The following GRM4 variants were observed in gnomAD, a reference collection of about 807,000 sequenced individuals.
GRM4 encodes the protein metabotropic glutamate receptor 4.
In GRM4, 28 loss-of-function variants were observed where a neutral mutation model predicts 81.7. The ratio of observed to expected loss-of-function variants is 0.34; its 90% CI spans 0.25 to 0.47. The LOEUF (loss-of-function observed/expected upper bound fraction) is 0.47, where lower values mean the gene tolerates loss of function less well. GRM4 is among the 20% of genes least tolerant of loss of function. The probability of loss-of-function intolerance (pLI) is 1.00; values close to 1 mark genes in which losing one functional copy is unlikely to be tolerated. For missense variants in GRM4, 948 were observed against 1,290.0 expected (o/e 0.73, Z 4.06); for synonymous variants, 488 against 528.8 (o/e 0.92, Z 1.06).
chr6:34,122,188 G>A (rs1221553659), intron 2 of GRM4, among the ~76,000 whole-genome samples: 10 of 152,010 alleles, frequency 6.6e-5, no homozygotes, highest in Admixed American at 6.5e-4. Context: ...AAACAGAGAG[G>A]GAGCCCCAAC....
At chr6:34,154,888 G>A (rs963676573) in intron 1 of GRM4, among the ~76,000 whole-genome samples, 18 of 152,196 alleles carry the variant, frequency 1.2e-4, no homozygotes, top group Admixed American at 2.6e-4. Context: ...CGAGCCTAGC[G>A]CCCCACCAGC....
chr6:34,116,910 G>T (rs1458082160), intron 2 of GRM4, among the ~76,000 whole-genome samples: 2 of 152,164 alleles, frequency 1.3e-5, no homozygotes, highest in African/African-American at 4.8e-5. Flanking sequence ...AAAGAAGCTG[G>T]ACATAAAAAC....
At chr6:34,110,309 C>CAAAA (rs3041237) in intron 2 of GRM4, among the ~76,000 whole-genome samples, 10 of 78,984 alleles carry the variant, frequency 1.3e-4, no homozygotes, top group Non-Finnish European at 1.8e-4. Flanking sequence ...CAACACCCAC[C>CAAAA]AAAAAAAAAA....
Position 34,068,269 on chromosome 6 carries a change from A to G in GRM4, c.737-6241T>C, listed in dbSNP as rs2499683. On this transcript the variant is annotated intron_variant, in intron 3 of 10. Transcript: ENST00000538487. The surrounding 1 kb of genome is among the most constrained non-coding windows in gnomAD (Gnocchi z 4.2). Reference sequence around the variant, plus strand: ...GCTGGATCTGAACTCGGGTCTGACTATTCTCTAGGAGCTGCTGCCTTGCCC... The same window carrying G: ...GCTGGATCTGAACTCGGGTCTGACTGTTCTCTAGGAGCTGCTGCCTTGCCC... 0.95 allele frequency among the ~76,000 whole-genome samples: 145,358 copies of G among 152,208 alleles called. 69,462 individuals are homozygous for G. The highest frequency in any genetic ancestry group is 1 in the East Asian group (5,152 of 5,174).
chr6:34,153,916 A>T (rs1771095119), intron 1 of GRM4, among the ~76,000 whole-genome samples: 1 of 124,370 alleles, frequency 8.0e-6, no homozygotes, highest in Non-Finnish European at 1.7e-5. Flanking sequence ...ACAGAGTGAG[A>T]CTCTGTCTCA....
rs1240957930 is a variant in GRM4 at position 34,020,025 on chromosome 6, G to C, written c.*2796C>G. 6.6e-6 allele frequency: 1 copy of C among 152,320 alleles called. No homozygotes were observed. Among genetic ancestry groups the C allele is most frequent in the Non-Finnish European group, 1.5e-5 (1 of 68,112 alleles). The allele number at this position is 152,320 out of a possible 1,614,324, so 9.4% of individuals were successfully genotyped here. On this transcript the variant is annotated 3_prime_UTR_variant, in exon 11 of 11. Coordinates refer to ENST00000538487, the MANE Select transcript of GRM4 (RefSeq NM_000841.4). ...TCTTGCTAGGGCCTGGTTCCCTCCT[G>C]TCCACCTCAGGCCCACAGAGCCCAC...
intron 6 of GRM4, among the ~76,000 whole-genome samples, chr6:34,043,190 C>T (rs899546355): frequency 6.6e-6 from 1 of 152,202 alleles, no homozygotes; most frequent in South Asian, 2.1e-4. Flanking sequence ...TGACTTGGGT[C>T]GTGTCTGCTA....
rs10635207 is a variant in GRM4 at position 34,136,563 on chromosome 6, G to GAC, written c.-363-2706_-363-2705dup. Reference sequence around the variant, plus strand: ...GCTGAGCAGTGCATGCGCGCGTGCGGACACACACACACACACACACACACA... The same window carrying GAC: ...GCTGAGCAGTGCATGCGCGCGTGCGGACACACACACACACACACACACACACA... On this transcript the variant is annotated intron_variant, in intron 1 of 10. Coordinates refer to ENST00000538487, the MANE Select transcript of GRM4 (RefSeq NM_000841.4). This position sits in a 1 kb window ranked among gnomAD's most constrained non-coding sequence, Gnocchi z 4.1. Among the ~76,000 whole-genome samples the GAC allele has an allele frequency of 0.1, 14,666 of 142,354 alleles. 1,107 individuals are homozygous for GAC. The highest frequency in any genetic ancestry group is 0.23 in the African/African-American group (8,384 of 36,772). The allele number at this position is 142,354 out of a possible 152,430, so 93.4% of individuals were successfully genotyped here. A position where few individuals can be genotyped will look rare whatever the true frequency, so the allele number is the denominator to read the frequency against.
At position 34,028,126 on chromosome 6, in the gene GRM4, C is replaced by A; in HGVS notation, c.2683G>T (p.Ala895Ser). 1 of 1,611,738 alleles carries A rather than the reference C, an allele frequency of 6.2e-7. No individual in the cohort carries two copies. Among genetic ancestry groups the A allele is most frequent in the Non-Finnish European group, 8.5e-7 (1 of 1,178,780 alleles). Residue 895 changes from alanine to serine, a missense_variant, in exon 10 of 11, where the codon GCC (alanine) becomes TCC (serine). Ala to Ser is a moderately conservative substitution (Grantham distance 99, BLOSUM62 1). Transcript: ENST00000538487. ...AKSELCENLE[A>S]PALATKQTYV... The stretch of plus-strand genomic sequence containing the variant: ...AACGGGGCCAGGCACTCACCTGGGG[C>A]CTCAAGGTTCTCGCAGAGCTCAGAC...
Position 34,091,707 on chromosome 6 carries a change from C to G in GRM4, c.736+176G>C, listed in dbSNP as rs149153154. On this transcript the variant is annotated intron_variant, in intron 3 of 10. Transcript: ENST00000538487. Reference sequence around the variant, plus strand: ...CGCCGTTGACCGGAGTCACCCAGAGCCCAGTGAGGCCATGGACCAAACCAC... The same window carrying G: ...CGCCGTTGACCGGAGTCACCCAGAGGCCAGTGAGGCCATGGACCAAACCAC... The G allele has an allele frequency of 2.1e-3, 1,260 of 600,774 alleles. 8 individuals carry two copies. Among genetic ancestry groups the G allele is most frequent in the African/African-American group, 0.021 (1,129 of 54,094 alleles). The allele number at this position is 600,774 out of a possible 1,614,324, so 37.2% of individuals were successfully genotyped here. A position where few individuals can be genotyped will look rare whatever the true frequency, so the allele number is the denominator to read the frequency against.
upstream of GRM4, among the ~76,000 whole-genome samples, chr6:34,148,121 C>T (rs1770976735): frequency 6.7e-6 from 1 of 150,162 alleles, no homozygotes; most frequent in Admixed American, 6.8e-5. Flanking sequence ...AAAAGAAACA[C>T]TGTTGGCTGG....
At position 34,031,851 on chromosome 6, in the gene GRM4, C is replaced by A. The variant is rs2395553; in HGVS notation, c.2443-3485G>T. ...GCATGTGCAAGTGCGTGTGTGCATA[C>A]ATGCATGCCTGCTCACACACACATC... On this transcript the variant is annotated intron_variant, in intron 9 of 10. Coordinates refer to ENST00000538487, the MANE Select transcript of GRM4 (RefSeq NM_000841.4). Among the ~76,000 whole-genome samples, 1,199 of 152,300 alleles carry A rather than the reference C, an allele frequency of 7.9e-3. 15 individuals carry two copies. The highest frequency in any genetic ancestry group is 0.027 in the African/African-American group (1,133 of 41,544).
upstream of GRM4, among the ~76,000 whole-genome samples, chr6:34,149,218 A>G (rs980905227): frequency 5.9e-5 from 9 of 152,170 alleles, no homozygotes; most frequent in Admixed American, 3.3e-4. Context: ...GTTGAAATAA[A>G]GTGAGCCTGG....
At position 34,078,934 on chromosome 6, in the gene GRM4, G is replaced by A. The variant is rs2499701; in HGVS notation, c.736+12949C>T. ...GTAAGTGAGGGAGAGAGGAAAGGAC[G>A]GTCACAACGGGAGGCTGAGAGAGGC... On this transcript the variant is annotated intron_variant, in intron 3 of 10. Transcript: ENST00000538487. This position sits in a 1 kb window ranked among gnomAD's most constrained non-coding sequence, Gnocchi z 4.8. Among the ~76,000 whole-genome samples the A allele has an allele frequency of 2.6e-3, 394 of 152,318 alleles. 2 individuals carry two copies. Among genetic ancestry groups the A allele is most frequent in the African/African-American group, 8.6e-3 (356 of 41,558 alleles).
In GRM4 at chr6:34,130,068, C is replaced by T. The variant is rs914452318; in HGVS notation, c.519+2910G>A. On this transcript the variant is annotated intron_variant, in intron 2 of 10. Transcript: ENST00000538487. This position sits in a 1 kb window ranked among gnomAD's most constrained non-coding sequence, Gnocchi z 4.1. Reference sequence around the variant, plus strand: ...TGGTGGTGGGCGCAGGTCCCCTCCCCCAAGGCATCCCTCCCTCACCCTCTC... The same window carrying T: ...TGGTGGTGGGCGCAGGTCCCCTCCCTCAAGGCATCCCTCCCTCACCCTCTC... 5.4e-4 allele frequency among the ~76,000 whole-genome samples: 82 copies of T among 152,272 alleles called. No homozygotes were observed. The highest frequency in any genetic ancestry group is 1.9e-3 in the African/African-American group (80 of 41,568).
rs1389715230 is a variant in GRM4 at position 34,114,581 on chromosome 6, C to A, written c.519+18397G>T. Among the ~76,000 whole-genome samples, 2 of 152,116 alleles carry A rather than the reference C, an allele frequency of 1.3e-5. No homozygotes were observed. The highest frequency in any genetic ancestry group is 4.8e-5 in the African/African-American group (2 of 41,388). ...CAATTTCCTCCAGCCCCTCTCCACTCACCCTCTGCCCAACCCTCCTGCATG... is the reference window on the plus strand; with the variant it reads ...CAATTTCCTCCAGCCCCTCTCCACTAACCCTCTGCCCAACCCTCCTGCATG... On this transcript the variant is annotated intron_variant, in intron 2 of 10. Transcript: ENST00000538487. This position sits in a 1 kb window ranked among gnomAD's most constrained non-coding sequence, Gnocchi z 4.3.
chr6:34,102,719 T>C (rs1768905531), intron 2 of GRM4, among the ~76,000 whole-genome samples: 1 of 152,234 alleles, frequency 6.6e-6, no homozygotes, highest in African/African-American at 2.4e-5. Context: ...ATTCCCCCAC[T>C]GTGTCTTCAG....
At chr6:34,122,728 T>TTGTCTGTCTGTC (rs370079388) in intron 2 of GRM4, among the ~76,000 whole-genome samples, 7,663 of 150,736 alleles carry the variant, frequency 0.051, 350 homozygotes, top group African/African-American at 0.12. Context: ...CTTCCCCGGT[T>TTGTCTGTCTGTC]TGTCTGTCTG....
intron 3 of GRM4, among the ~76,000 whole-genome samples, chr6:34,065,389 C>T (rs1766403911): frequency 1.4e-5 from 2 of 139,336 alleles, no homozygotes; most frequent in South Asian, 4.5e-4. Context: ...AAGTAAGAAT[C>T]CATGGGTCCA....
Sources: allele counts gnomAD v4.1 joint callset (sites outside exome capture counted in the v4.1 genomes callset), GRCh38; gene constraint gnomAD v4.1.1; non-coding constraint Gnocchi (gnomAD v3.1); transcripts MANE v1.5; gene names NCBI Gene and HGNC (gene_info 2026-07-23, HGNC 2026-07-21).